The following PPP1R3F variants were observed in gnomAD, a reference collection of about 807,000 sequenced individuals.
The protein encoded by PPP1R3F is protein phosphatase 1 regulatory subunit 3F.
A neutral mutation model predicts 24.2 loss-of-function variants in PPP1R3F; 29 were observed. The observed-to-expected ratio is 1.20, with a 90% CI of 0.89 to 1.63. The LOEUF is 1.63. Among genes scored for constraint, PPP1R3F ranks in the 40% most tolerant of loss-of-function variants. The probability of loss-of-function intolerance (pLI) is 0.00; values close to 1 mark genes in which losing one functional copy is unlikely to be tolerated. For missense variants in PPP1R3F, 823 were observed against 729.3 expected (o/e 1.13, Z -1.48); for synonymous variants, 363 against 340.1 (o/e 1.07, Z -0.74).
chrX:49,278,174 C>T (rs1348488537), intron 1 of PPP1R3F, among the ~76,000 whole-genome samples: 4 of 112,154 alleles, frequency 3.6e-5, no homozygotes, highest in Non-Finnish European at 5.6e-5. Flanking sequence ...TGAGTGTTCT[C>T]CTTTTTCTGT....
chrX:49,286,992 G>A lies in PPP1R3F; in HGVS notation c.2302G>A (p.Gly768Arg), dbSNP rs781991920. 8.3e-7 allele frequency: 1 copy of A among 1,211,938 alleles called. No individual in the cohort carries two copies. The highest frequency in any genetic ancestry group is 1.8e-5 in the South Asian group (1 of 57,002). Reference sequence around the variant, plus strand: ...CCGGGGGCCCTTGACCCAGACTCTGGGGGTCCTGGCCGGGCTAGTGGTGGT... The same window carrying A: ...CCGGGGGCCCTTGACCCAGACTCTGAGGGTCCTGGCCGGGCTAGTGGTGGT... ...QLRGPLTQTL[G>R]VLAGLVVVPV... The change falls in exon 4 of 4, where the codon GGG (glycine) becomes AGG (arginine). Residue 768 changes from glycine (G) to arginine (R), a missense_variant. Transcript: ENST00000055335.
intron 1 of PPP1R3F, 117 bp downstream of exon 1, chrX:49,270,990 G>GAGTC (rs1474914799): frequency 6.8e-6 from 5 of 737,611 alleles, no homozygotes; most frequent in Non-Finnish European, 9.6e-6. Context: ...AGGGTGCATT[G>GAGTC]AGTCAGTCAG....
intron 1 of PPP1R3F, among the ~76,000 whole-genome samples, chrX:49,276,765 G>A (rs781876757): frequency 3.6e-5 from 4 of 112,016 alleles, no homozygotes; most frequent in Non-Finnish European, 5.6e-5. Flanking sequence ...GCAAGTCCCA[G>A]AGTTGAGGCT....
intron 3 of PPP1R3F, among the ~76,000 whole-genome samples, chrX:49,294,863 C>G (rs1321675448): frequency 9.8e-6 from 1 of 102,230 alleles, no homozygotes. Context: ...GAGCTAAGAT[C>G]GTGCCACTGC....
chrX:49,286,834 GTC>G lies in PPP1R3F; in HGVS notation c.2150_2151del (p.Ser717Ter), dbSNP rs1358652341. On this transcript the variant is annotated frameshift_variant, in exon 4 of 4. Transcript: ENST00000055335. LOFTEE classifies it low-confidence loss of function (END_TRUNC). ...CTCAGTCCCTTGGGGGCCGAAGTCTGTCTCTCTAGTGTAGCCAGGCCTCATGT... is the reference window on the plus strand; with the variant it reads ...CTCAGTCCCTTGGGGGCCGAAGTCTGTCTCTAGTGTAGCCAGGCCTCATGT... 1 of 1,199,370 alleles carries G rather than the reference GTC, an allele frequency of 8.3e-7. No individual in the cohort carries two copies. Among genetic ancestry groups the G allele is most frequent in the African/African-American group, 1.7e-5 (1 of 57,720 alleles).
chrX:49,284,218 T>A (rs781877769), intron 3 of PPP1R3F, among the ~76,000 whole-genome samples: 1 of 111,880 alleles, frequency 8.9e-6, no homozygotes, highest in African/African-American at 3.2e-5. Context: ...TCTGTCCTTT[T>A]GACACGCCCT....
Position 49,270,757 on chromosome X carries a change from C to G in PPP1R3F, c.888C>G (p.Ala296=). 8.3e-7 allele frequency: 1 copy of G among 1,200,972 alleles called. No individual in the cohort carries two copies. Among genetic ancestry groups the G allele is most frequent in the Non-Finnish European group, 1.1e-6 (1 of 890,349 alleles). ...CACCCGCTCCCACACCCACTGATGC[C>G]GAAGGGCTGCCCCAGCAGCAGCAGC... ...RIAPAPTPTD[A]EGLPQQQQLP... is the part of the protein sequence containing the mutation. Residue 296 remains alanine, a synonymous_variant, in exon 1 of 4, where the codon GCC becomes GCG. Transcript: ENST00000055335.
At chrX:49,297,039 T>C (rs1377972091) in intron 3 of PPP1R3F, among the ~76,000 whole-genome samples, 1 of 110,362 alleles carries the variant, frequency 9.1e-6, no homozygotes, top group African/African-American at 3.3e-5. Context: ...GCCCGCTTGG[T>C]CCAGAGCTGA....
chrX:49,269,931 C>T lies in PPP1R3F; in HGVS notation c.62C>T (p.Ala21Val). 1.1e-6 allele frequency: 1 copy of T among 905,537 alleles called. No individual in the cohort carries two copies. The highest frequency in any genetic ancestry group is 1.4e-6 in the Non-Finnish European group (1 of 735,395). 74.6% of individuals were successfully genotyped at this position (905,537 alleles called of 1,213,427 possible). ...CATTCCGCGCCCCCCTCGCCGGCCGCGGGTGAGCCCCGCACCTCGGTCGAG... is the reference window on the plus strand; with the variant it reads ...CATTCCGCGCCCCCCTCGCCGGCCGTGGGTGAGCCCCGCACCTCGGTCGAG... ...LRHSAPPSPA[A>V]GEPRTSVEAA... Residue 21 changes from alanine (A) to valine (V), a missense_variant, in exon 1 of 4, where the codon GCG becomes GTG. By Grantham distance (64) the Ala-to-Val change is moderately conservative. Transcript: ENST00000055335.
At chrX:49,290,879 G>A (rs2066306366), downstream of PPP1R3F, among the ~76,000 whole-genome samples, 1 of 111,920 alleles carries the variant, frequency 8.9e-6, no homozygotes, top group Admixed American at 9.4e-5. Flanking sequence ...CTGAGTACAC[G>A]CCCGTTGTCA....
intron 3 of PPP1R3F, among the ~76,000 whole-genome samples, chrX:49,284,509 C>CTTTTTTTTTTTTTTTTTT (rs145170789): frequency 4.3e-4 from 22 of 50,849 alleles, no homozygotes; most frequent in African/African-American, 9.4e-4. Context: ...CTTTTTCTTT[C>CTTTTTTTTTTTTTTTTTT]TTTTTTTTTT....
rs781907044 is a variant in PPP1R3F at position 49,270,172 on chromosome X, C to T, written c.303C>T (p.Pro101=). 3.4e-5 allele frequency: 37 copies of T among 1,097,221 alleles called. No individual in the cohort carries two copies. In the Middle Eastern group the frequency reaches 8.4e-4, roughly 25 times the overall value. The allele number at this position is 1,097,221 out of a possible 1,213,427, so 90.4% of individuals were successfully genotyped here. ...AGGAAGAGGAGGCTTGCCCCGAGCC[C>T]TCACCGCTGTGCCCCGTCCCCGCTG... ...GEEEEEACPE[P]SPLCPVPAGG... The change falls in exon 1 of 4, where the codon CCC becomes CCT. Residue 101 remains proline (P), a synonymous_variant. Transcript: ENST00000055335.
chrX:49,289,761 TTCA>T (rs782617662), downstream of PPP1R3F, among the ~76,000 whole-genome samples: 32 of 111,390 alleles, frequency 2.9e-4, no homozygotes, highest in South Asian at 1.1e-3. Context: ...GTGCAATTTA[TTCA>T]TCATCATTAA....
At chrX:49,282,181 G>A in intron 3 of PPP1R3F, 118 bp downstream of exon 3, 1 of 496,559 alleles carries the variant, frequency 2.0e-6, no homozygotes, top group South Asian at 3.5e-5. Context: ...TTGGAGGGAG[G>A]GCACAAAACT....
chrX:49,270,063 TGGCGGCGGCGGCCGGGCAAGATGGC>T lies in PPP1R3F; in HGVS notation c.207_231del (p.Gln71ProfsTer93), dbSNP rs1390556195. 9 of 988,040 alleles carry T rather than the reference TGGCGGCGGCGGCCGGGCAAGATGGC, an allele frequency of 9.1e-6. No homozygotes were observed. The highest frequency in any genetic ancestry group is 5.7e-5 in the Admixed American group (1 of 17,620). The allele number at this position is 988,040 out of a possible 1,213,427, so 81.4% of individuals were successfully genotyped here. ...TGGGGCGGGCCCGGGGCGGGCAAGA[TGGCGGCGGCGGCCGGGCAAGATGGC>T]GGCGGCGGCGGCGGGGCCGACGAGG... is the stretch of plus-strand genomic sequence containing the variant. On this transcript the variant is annotated frameshift_variant, in exon 1 of 4. Coordinates refer to ENST00000055335, the MANE Select transcript of PPP1R3F (RefSeq NM_033215.5). LOFTEE classifies it high-confidence loss of function.
chrX:49,285,876 G>A lies in PPP1R3F; in HGVS notation c.1186G>A (p.Asp396Asn). ...PMTGNPAEEG[D>N]VPRSSPPVAF... Reference sequence around the variant, plus strand: ...GACTGGCAACCCCGCAGAAGAAGGTGATGTCCCCAGAAGCAGTCCACCTGT... The same window carrying A: ...GACTGGCAACCCCGCAGAAGAAGGTAATGTCCCCAGAAGCAGTCCACCTGT... Residue 396 changes from aspartate to asparagine, a missense_variant, in exon 4 of 4, where the codon GAT becomes AAT. Asp to Asn is a conservative substitution (Grantham distance 23). Transcript: ENST00000055335. The A allele has an allele frequency of 8.5e-7, 1 of 1,169,937 alleles. No homozygotes were observed.
intron 3 of PPP1R3F, among the ~76,000 whole-genome samples, chrX:49,282,621 TC>T (rs1386060783): frequency 9.2e-6 from 1 of 108,395 alleles, no homozygotes; most frequent in Non-Finnish European, 1.9e-5. Flanking sequence ...GGGAAGAACA[TC>T]CCAGGCGAGT....
intron 1 of PPP1R3F, among the ~76,000 whole-genome samples, chrX:49,278,030 T>G (rs1252170076): frequency 8.9e-6 from 1 of 112,174 alleles, no homozygotes; most frequent in African/African-American, 3.2e-5. Flanking sequence ...CGTGACCTGC[T>G]TTTTGGATGT....
At chrX:49,281,905 A>G (rs2147969984) in intron 2 of PPP1R3F, 76 bp from the exon 3 acceptor site, 2 of 771,138 alleles carry the variant, frequency 2.6e-6, no homozygotes, top group South Asian at 4.5e-5. Flanking sequence ...GTTGGCTAGG[A>G]TGGCAGATTT....
Sources: gnomAD v4.1 joint callset for allele counts (sites outside exome capture counted in the v4.1 genomes callset) on GRCh38, gnomAD v4.1.1 for gene constraint, MANE v1.5 for transcripts, NCBI Gene and HGNC (gene_info 2026-07-23, HGNC 2026-07-21) for gene names.